The following DNAH2 variants were observed in gnomAD, a reference collection of about 807,000 sequenced individuals.
DNAH2 encodes axonemal beta dynein heavy chain 2.
DNAH2 carries 323 observed loss-of-function variants against 523.5 expected under a neutral mutation model. That is an observed-to-expected ratio of 0.62 (90% confidence interval 0.56 to 0.68). The LOEUF (loss-of-function observed/expected upper bound fraction) is 0.68, where lower values mean the gene tolerates loss of function less well. DNAH2 is among the 30% of genes least tolerant of loss of function. DNAH2 has a pLI of 0.00. For missense variants in DNAH2, 4,907 were observed against 5,701.5 expected, an observed-to-expected ratio of 0.86 and a Z score of 4.49; for synonymous variants, 2,093 against 2,177.4, an observed-to-expected ratio of 0.96 and a Z score of 1.08.
At chr17:7,794,494 G>A (rs945471982) in intron 49 of DNAH2, 136 bp downstream of exon 49, 32 of 674,144 alleles carry the variant, frequency 4.7e-5, no homozygotes, top group Non-Finnish European at 6.6e-5. Flanking sequence ...GGGACGATCC[G>A]TAAGGGCATG....
At chr17:7,817,205 C>T (rs144363897) in intron 64 of DNAH2, 85 bp from the exon 65 acceptor site, 1 of 1,513,382 alleles carries the variant, frequency 6.6e-7, no homozygotes, top group African/African-American at 1.4e-5. Flanking sequence ...TGACAGTGTC[C>T]AGAAGAGGGT....
Position 7,766,425 on chromosome 17 carries a change from C to T in DNAH2, c.3619C>T (p.Leu1207=). The T allele has an allele frequency of 4.3e-6, 7 of 1,614,028 alleles. No individual in the cohort carries two copies. The highest frequency in any genetic ancestry group is 1.1e-5 in the South Asian group (1 of 91,084). Residue 1207 remains leucine (L), a synonymous_variant, in exon 22 of 86, where the codon CTG becomes TTG. Transcript: ENST00000572933. ...AGAGGAAAATAGTCTCCGAGCCAAC[C>T]TGGGCATCTTCAAGATCGAGCAGCC... The part of the protein sequence containing the change: ...REEENSLRAN[L]GIFKIEQPPS...
chr17:7,751,872 T>G (rs1412773019), intron 12 of DNAH2, among the ~76,000 whole-genome samples: 1 of 151,862 alleles, frequency 6.6e-6, no homozygotes, highest in Non-Finnish European at 1.5e-5. Flanking sequence ...TAGGTTAACT[T>G]TAGAAGAATA....
rs1484135726 is a variant in DNAH2, at chr17:7,786,908, G to A, written c.6478G>A (p.Asp2160Asn). ...MRTACADEKPDEKWILFDGPV... is the reference protein window; with the variant it reads ...MRTACADEKPNEKWILFDGPV... ...CACCATCTACTCAGATGAGAAACCC[G>A]ACGAGAAGTGGATCCTGTTCGATGG... The change falls in exon 42 of 86, where the codon GAC (aspartate) becomes AAC (asparagine). Residue 2160 changes from aspartate to asparagine, a missense_variant. Transcript: ENST00000572933. This position sits in a 1 kb window ranked among gnomAD's most constrained non-coding sequence, Gnocchi z 7.5. 5.6e-6 allele frequency: 9 copies of A among 1,614,144 alleles called. No individual in the cohort carries two copies. The highest frequency in any genetic ancestry group is 3.3e-5 in the Admixed American group (2 of 60,012).
In DNAH2 at chr17:7,768,372, C is replaced by T. The variant is rs1045541339; in HGVS notation, c.3941+105C>T. ...TCCGCAGTGTTCACAGCCCTCTCTT[C>T]CCCTCTGTCCACAAATGTATGTCTT... On this transcript the variant is annotated intron_variant, in intron 24 of 85. Transcript: ENST00000572933. The T allele has an allele frequency of 3.7e-6, 4 of 1,069,188 alleles. No individual in the cohort carries two copies. In the African/African-American group the frequency reaches 4.8e-5, roughly 13 times the overall value. 66.2% of individuals were successfully genotyped at this position (1,069,188 alleles called of 1,614,324 possible).
intron 42 of DNAH2, 97 bp downstream of exon 42, chr17:7,787,130 C>T: frequency 6.7e-7 from 1 of 1,484,168 alleles, no homozygotes; most frequent in Non-Finnish European, 9.1e-7. Context: ...CAGAGCAGGG[C>T]AGGTTCTGTG....
At chr17:7,785,302 C>T (rs954732480) in intron 39 of DNAH2, among the ~76,000 whole-genome samples, 6 of 152,072 alleles carry the variant, frequency 3.9e-5, no homozygotes, top group Non-Finnish European at 7.4e-5. Context: ...GGGGTTTCGC[C>T]ATGTTGGCCA....
At position 7,717,785 on chromosome 17, in the gene DNAH2, G is replaced by A. The variant is rs2074461873; in HGVS notation, c.-1029G>A. On this transcript the variant is annotated 5_prime_UTR_variant, in exon 1 of 86. Transcript: ENST00000572933. ...GAGGGCTGCGAGGGGCAACTTCTTA[G>A]AGTGGCCCATCGGTCGGTCTAGGGA... 1 of 152,330 alleles carries A rather than the reference G, an allele frequency of 6.6e-6. No homozygotes were observed. The highest frequency in any genetic ancestry group is 2.4e-5 in the African/African-American group (1 of 41,434). 9.4% of individuals were successfully genotyped at this position (152,330 alleles called of 1,614,324 possible). A position where few individuals can be genotyped will look rare whatever the true frequency, so the allele number is the denominator to read the frequency against.
In DNAH2 at chr17:7,788,231, C is replaced by A; in HGVS notation, c.6887C>A (p.Thr2296Lys). Reference protein sequence around the residue: ...SLCKLYSALATPENGVNPADG... With the variant: ...SLCKLYSALAKPENGVNPADG... The stretch of plus-strand genomic sequence containing the variant: ...TGCAAGCTGTACTCTGCCCTGGCCA[C>A]GCCAGAGAATGGGGTAAGGGGAGGA... The change falls in exon 44 of 86, where the codon ACG becomes AAG. Residue 2296 changes from threonine to lysine, a missense_variant. Thr to Lys is a moderately conservative substitution (Grantham distance 78). Transcript: ENST00000572933. 1.3e-6 allele frequency: 2 copies of A among 1,591,018 alleles called. No individual in the cohort carries two copies. Among genetic ancestry groups the A allele is most frequent in the Non-Finnish European group, 1.7e-6 (2 of 1,168,582 alleles).
chr17:7,789,829 C>T (rs866480392), intron 44 of DNAH2, among the ~76,000 whole-genome samples: 4 of 152,110 alleles, frequency 2.6e-5, no homozygotes, highest in Non-Finnish European at 4.4e-5. Flanking sequence ...CCACCCACCT[C>T]GGCCTCCCAA....
In DNAH2 at chr17:7,754,625, G is replaced by T. The variant is rs1191162544; in HGVS notation, c.1905-2466G>T. 2 of 1,498,502 alleles carry T rather than the reference G, an allele frequency of 1.3e-6. No individual in the cohort carries two copies. The highest frequency in any genetic ancestry group is 1.8e-6 in the Non-Finnish European group (2 of 1,091,394). 92.8% of individuals were successfully genotyped at this position (1,498,502 alleles called of 1,614,324 possible). ...TCAAGGCCCTCGTAAAGCCCAAGGAGGTTAAGCCCAAGATCCCAAAGGGTG... is the reference window on the plus strand; with the variant it reads ...TCAAGGCCCTCGTAAAGCCCAAGGATGTTAAGCCCAAGATCCCAAAGGGTG... On this transcript the variant is annotated intron_variant, in intron 12 of 85. Coordinates refer to ENST00000572933, the MANE Select transcript of DNAH2 (RefSeq NM_020877.5). The surrounding 1 kb of genome is among the most constrained non-coding windows in gnomAD (Gnocchi z 4.6).
intron 8 of DNAH2, chr17:7,737,873 G>A (rs1021734740): frequency 5.9e-6 from 4 of 673,490 alleles, no homozygotes; most frequent in African/African-American, 3.5e-5. Context: ...GGAGTAGGGG[G>A]CTGAGACATG....
At chr17:7,733,062 C>T in intron 4 of DNAH2, 25 bp from the exon 5 acceptor site, 1 of 1,610,258 alleles carries the variant, frequency 6.2e-7, no homozygotes, top group Non-Finnish European at 8.5e-7. Context: ...GGAGACTGAA[C>T]TCTGATCTGC....
Position 7,758,418 on chromosome 17 carries a change from T to C in DNAH2, c.2052-77T>C, listed in dbSNP as rs989734879. On this transcript the variant is annotated intron_variant, in intron 13 of 85. Transcript: ENST00000572933. Reference sequence around the variant, plus strand: ...CTAGTGGTCTAGAAATGTTCACATTTCTCCACTGTTTCCTGAAGTGGAGGA... The same window carrying C: ...CTAGTGGTCTAGAAATGTTCACATTCCTCCACTGTTTCCTGAAGTGGAGGA... 3 of 1,513,450 alleles carry C rather than the reference T, an allele frequency of 2.0e-6. No homozygotes were observed. The African/African-American group carries it at 4.2e-5, about 21-fold the overall frequency. The allele number at this position is 1,513,450 out of a possible 1,614,324, so 93.8% of individuals were successfully genotyped here.
intron 63 of DNAH2, among the ~76,000 whole-genome samples, chr17:7,808,187 A>G (rs2077418757): frequency 6.6e-6 from 1 of 152,152 alleles, no homozygotes; most frequent in Non-Finnish European, 1.5e-5. Context: ...CCTGGCCAAC[A>G]TGGTGAAACC....
intron 33 of DNAH2, 113 bp downstream of exon 33, chr17:7,777,747 C>A: frequency 7.6e-7 from 1 of 1,322,486 alleles, no homozygotes. Context: ...TAGTCCTGTC[C>A]CACTACCCTA....
At position 7,796,548 on chromosome 17, in the gene DNAH2, G is replaced by A. The variant is rs776809284; in HGVS notation, c.7759G>A (p.Val2587Met). Residue 2587 changes from valine (V) to methionine (M), a missense_variant, in exon 50 of 86, where the codon GTG (valine) becomes ATG (methionine). By Grantham distance (21) the Val-to-Met change is conservative (BLOSUM62 1). Around this residue, in one of 3 missense-constraint regions of DNAH2, gnomAD observed 250 missense variants for 371.3 expected, o/e 0.67. Coordinates refer to ENST00000572933, the MANE Select transcript of DNAH2 (RefSeq NM_020877.5). ...FEEEVKPIGN[V>M]VTEATLDMYN... is the part of the protein sequence containing the mutation. ...GGAAGAGGTGAAGCCCATTGGGAAC[G>A]TGGTGACAGAGGCCACCCTGGACAT... The A allele has an allele frequency of 4.3e-6, 7 of 1,613,604 alleles. No homozygotes were observed. The highest frequency in any genetic ancestry group is 3.3e-5 in the South Asian group (3 of 91,030).
intron 4 of DNAH2, among the ~76,000 whole-genome samples, chr17:7,728,263 C>G (rs536198163): frequency 9.9e-5 from 15 of 152,048 alleles, no homozygotes; most frequent in South Asian, 8.3e-4. Flanking sequence ...TACAGGTCAT[C>G]ACTGTAAAAT....
chr17:7,824,354 C>A (rs967540605), intron 76 of DNAH2, 50 bp downstream of exon 76: 5 of 1,487,778 alleles, frequency 3.4e-6, no homozygotes, highest in South Asian at 1.4e-5. Context: ...AGTCCTTGTC[C>A]CTAGAACCTC....
Sources: allele counts gnomAD v4.1 joint callset (sites outside exome capture counted in the v4.1 genomes callset), GRCh38; gene constraint gnomAD v4.1.1; regional missense constraint gnomAD v4.1.1; non-coding constraint Gnocchi (gnomAD v3.1); transcripts MANE v1.5; gene names NCBI Gene and HGNC (gene_info 2026-07-23, HGNC 2026-07-21).